Variants in CFAP54 observed in about 807,000 individuals in gnomAD.
CFAP54 encodes the protein cilia and flagella associated protein 54.
Under a neutral mutation model 370.4 loss-of-function variants are expected in CFAP54, and 290 were observed. That is an observed-to-expected ratio of 0.78 (90% confidence interval 0.71 to 0.86). The LOEUF (loss-of-function observed/expected upper bound fraction) is 0.86, where lower values mean the gene tolerates loss of function less well. Ranked by LOEUF, CFAP54 falls within the 40% of genes least tolerant of loss-of-function variation. The pLI, the probability that CFAP54 is intolerant of heterozygous loss-of-function variation, is 0.00. For synonymous variants in CFAP54, 1,206 were observed against 1,236.5 expected (o/e 0.98, Z 0.52); for missense variants, 3,399 against 3,528.7 (o/e 0.96, Z 0.93).
chr12:96,670,241 G>A (rs1285065743), intron 39 of CFAP54, among the ~76,000 whole-genome samples: 2 of 152,168 alleles, frequency 1.3e-5, no homozygotes, highest in African/African-American at 4.8e-5. Context: ...TATACCGTAT[G>A]CTTTATGTTA....
intron 63 of CFAP54, among the ~76,000 whole-genome samples, chr12:96,807,175 A>G (rs1341928742): frequency 6.6e-6 from 1 of 152,196 alleles, no homozygotes; most frequent in Non-Finnish European, 1.5e-5. Context: ...CATCTATTCA[A>G]TGCTCACATA....
intron 32 of CFAP54, among the ~76,000 whole-genome samples, chr12:96,643,698 G>A (rs948058767): frequency 4.6e-5 from 7 of 152,202 alleles, no homozygotes; most frequent in Non-Finnish European, 1.0e-4. Flanking sequence ...ATGCAGTTAT[G>A]AAGTAATCTC....
At chr12:96,821,431 C>T (rs1959032919) in intron 65 of CFAP54, among the ~76,000 whole-genome samples, 1 of 152,116 alleles carries the variant, frequency 6.6e-6, no homozygotes, top group African/African-American at 2.4e-5. Flanking sequence ...TCAAGTAGAA[C>T]AAACTCTTTT....
intron 66 of CFAP54, among the ~76,000 whole-genome samples, chr12:96,842,150 CT>C (rs1015471469): frequency 6.6e-6 from 1 of 151,984 alleles, no homozygotes; most frequent in African/African-American, 2.4e-5. Flanking sequence ...TAATATGTAT[CT>C]TTTTTTGGTA....
chr12:96,757,454 TG>T, intron 57 of CFAP54, 40 bp from the exon 58 acceptor site: 1 of 1,150,758 alleles, frequency 8.7e-7, no homozygotes, highest in South Asian at 1.5e-5. Flanking sequence ...TGATTATGCA[TG>T]GTGAAGCTAT....
chr12:96,850,216 TA>T (rs35493066), intron 66 of CFAP54, among the ~76,000 whole-genome samples: 59,878 of 101,114 alleles, frequency 0.59, 16,067 homozygotes, highest in African/African-American at 0.69. Context: ...CTGTCTCTAC[TA>T]AAAAAAAAAA....
chr12:96,644,149 A>C lies in CFAP54; in HGVS notation c.4317-29A>C, dbSNP rs936652085. 7 of 1,411,576 alleles carry C rather than the reference A, an allele frequency of 5.0e-6. No homozygotes were observed. The Admixed American group carries it at 9.0e-5, about 18-fold the overall frequency. The allele number at this position is 1,411,576 out of a possible 1,614,324, so 87.4% of individuals were successfully genotyped here. On this transcript the variant is annotated intron_variant, in intron 32 of 67. Transcript: ENST00000524981. Reference sequence around the variant, plus strand: ...ATTAAATATCTGAAAGTTCTTGTGTAATTTCAAAACTTCTTTCTCCCTTGG... The same window carrying C: ...ATTAAATATCTGAAAGTTCTTGTGTCATTTCAAAACTTCTTTCTCCCTTGG...
chr12:96,657,638 G>A (rs1010963616), intron 36 of CFAP54, among the ~76,000 whole-genome samples: 1 of 152,142 alleles, frequency 6.6e-6, no homozygotes, highest in Non-Finnish European at 1.5e-5. Flanking sequence ...GTAGCTGCAG[G>A]TTTCTAGTGG....
intron 67 of CFAP54, among the ~76,000 whole-genome samples, chr12:96,873,432 T>C (rs949320575): frequency 2.0e-5 from 3 of 152,238 alleles, no homozygotes; most frequent in African/African-American, 7.2e-5. Flanking sequence ...TAAGGTGAGC[T>C]TCTGGCTCGA....
intron 39 of CFAP54, among the ~76,000 whole-genome samples, chr12:96,673,502 T>C (rs970348217): frequency 6.6e-6 from 1 of 152,254 alleles, no homozygotes; most frequent in Non-Finnish European, 1.5e-5. Context: ...ATTAAAAGGT[T>C]AGCATCCAAC....
chr12:96,830,308 C>G (rs1959166782), intron 66 of CFAP54, among the ~76,000 whole-genome samples: 1 of 152,178 alleles, frequency 6.6e-6, no homozygotes, highest in East Asian at 1.9e-4. Flanking sequence ...CAATTTTATA[C>G]TACCACCAAC....
intron 39 of CFAP54, among the ~76,000 whole-genome samples, chr12:96,674,022 T>C: frequency 6.6e-6 from 1 of 152,352 alleles, no homozygotes; most frequent in Admixed American, 6.5e-5. Context: ...GGGAGATAAC[T>C]CCATGGATAT....
At chr12:96,848,256 T>C (rs1959415829) in intron 66 of CFAP54, among the ~76,000 whole-genome samples, 1 of 152,098 alleles carries the variant, frequency 6.6e-6, no homozygotes, top group South Asian at 2.1e-4. Flanking sequence ...TTTGTATTTT[T>C]AGTAGAGACG....
chr12:96,729,496 C>T (rs562711657), intron 50 of CFAP54, among the ~76,000 whole-genome samples: 3 of 152,200 alleles, frequency 2.0e-5, no homozygotes, highest in East Asian at 1.9e-4. Flanking sequence ...GAGCCAGGTG[C>T]GGGATATAAT....
intron 22 of CFAP54, among the ~76,000 whole-genome samples, chr12:96,588,473 C>G (rs946008771): frequency 6.6e-6 from 1 of 152,182 alleles, no homozygotes; most frequent in East Asian, 1.9e-4. Context: ...TTGATACCAT[C>G]TCTATCTAAA....
intron 9 of CFAP54, 127 bp from the exon 10 acceptor site, chr12:96,533,665 C>A: frequency 5.5e-6 from 4 of 726,556 alleles, no homozygotes; most frequent in Admixed American, 3.5e-5. Context: ...TTGTTTCCCC[C>A]ACTAGAACGT....
At chr12:96,620,654 C>T (rs1956477213) in intron 26 of CFAP54, among the ~76,000 whole-genome samples, 1 of 152,264 alleles carries the variant, frequency 6.6e-6, no homozygotes, top group African/African-American at 2.4e-5. Flanking sequence ...TTCACACAAA[C>T]TTATTTATAC....
intron 36 of CFAP54, among the ~76,000 whole-genome samples, chr12:96,656,456 C>T (rs568441309): frequency 6.6e-6 from 1 of 152,266 alleles, no homozygotes; most frequent in Non-Finnish European, 1.5e-5. Context: ...CGACTCACCA[C>T]AACCTCCACC....
At chr12:96,527,955 CT>C (rs1955401809) in intron 9 of CFAP54, among the ~76,000 whole-genome samples, 1 of 152,082 alleles carries the variant, frequency 6.6e-6, no homozygotes, top group Admixed American at 6.6e-5. Context: ...TTTGGGGGGA[CT>C]TGTTTTGTAT....
Sources: gnomAD v4.1 joint callset for allele counts (sites outside exome capture counted in the v4.1 genomes callset) on GRCh38, gnomAD v4.1.1 for gene constraint, MANE v1.5 for transcripts, NCBI Gene and HGNC (gene_info 2026-07-23, HGNC 2026-07-21) for gene names.